The following AGBL4 variants were observed in gnomAD, a reference collection of about 807,000 sequenced individuals.
AGBL4 encodes AGBL carboxypeptidase 4.
Under a neutral mutation model 66.4 loss-of-function variants are expected in AGBL4, and 58 were observed. The ratio of observed to expected loss-of-function variants is 0.87; its 90% CI spans 0.71 to 1.09. The LOEUF is 1.09. AGBL4 is among the 50% of genes least tolerant of loss of function. The probability of loss-of-function intolerance (pLI) is 0.00; values close to 1 mark genes in which losing one functional copy is unlikely to be tolerated. For synonymous variants in AGBL4, 234 were observed against 222.9 expected (o/e 1.05, Z -0.44); for missense variants, 579 against 631.0 (o/e 0.92, Z 0.88).
chr1:49,462,320 A>G (rs1646532253), intron 3 of AGBL4, among the ~76,000 whole-genome samples: 1 of 151,760 alleles, frequency 6.6e-6, no homozygotes, highest in African/African-American at 2.4e-5. Context: ...GAAAGAATAG[A>G]AAAGAAGCAC....
intron 5 of AGBL4, among the ~76,000 whole-genome samples, chr1:48,937,966 C>T (rs1655621207): frequency 6.6e-6 from 1 of 152,162 alleles, no homozygotes; most frequent in African/African-American, 2.4e-5. Context: ...GACTTATCAG[C>T]AGGGTGCTTT....
chr1:49,272,521 A>T (rs1260003004), intron 3 of AGBL4, among the ~76,000 whole-genome samples: 1 of 152,140 alleles, frequency 6.6e-6, no homozygotes, highest in Non-Finnish European at 1.5e-5. Flanking sequence ...TGTCTAACAC[A>T]CCTAAAATTT....
chr1:48,954,584 G>T (rs1043327884), intron 5 of AGBL4, among the ~76,000 whole-genome samples: 1 of 152,142 alleles, frequency 6.6e-6, no homozygotes, highest in African/African-American at 2.4e-5. Flanking sequence ...AAAGCATGAG[G>T]TTATTATTAT....
At chr1:49,554,329 G>C (rs1049612808) in intron 3 of AGBL4, among the ~76,000 whole-genome samples, 6 of 152,146 alleles carry the variant, frequency 3.9e-5, no homozygotes, top group African/African-American at 1.4e-4. Context: ...GCAATCATCA[G>C]CCAAGAGTCT....
At chr1:49,717,585 C>A (rs887684713) in intron 2 of AGBL4, among the ~76,000 whole-genome samples, 3 of 151,996 alleles carry the variant, frequency 2.0e-5, no homozygotes, top group Admixed American at 2.0e-4. Context: ...ATTCCTCTCA[C>A]CTGCCCTAGT....
intron 11 of AGBL4, among the ~76,000 whole-genome samples, chr1:48,575,454 T>C (rs571478656): frequency 1.3e-5 from 2 of 152,146 alleles, no homozygotes; most frequent in Non-Finnish European, 2.9e-5. Context: ...CCCATTCAAC[T>C]CATCCTGCCC....
intron 6 of AGBL4, among the ~76,000 whole-genome samples, chr1:48,858,482 C>T (rs1647238876): frequency 6.6e-6 from 1 of 152,138 alleles, no homozygotes; most frequent in Non-Finnish European, 1.5e-5. Flanking sequence ...TAATGTAATA[C>T]TATTTGGCAA....
intron 3 of AGBL4, among the ~76,000 whole-genome samples, chr1:49,654,396 T>C (rs1397550366): frequency 1.3e-5 from 2 of 152,170 alleles, no homozygotes; most frequent in Non-Finnish European, 2.9e-5. Flanking sequence ...AGAATGTATA[T>C]TCTGTTGATT....
chr1:48,997,788 T>C (rs1661127150), intron 5 of AGBL4, among the ~76,000 whole-genome samples: 2 of 152,184 alleles, frequency 1.3e-5, no homozygotes, highest in South Asian at 4.1e-4. Context: ...TAAGCACTTG[T>C]CATAGAGCTT....
At chr1:48,524,748 A>C in the AGBL4 span, among the ~76,000 whole-genome samples, 2 of 152,222 alleles carry the variant, frequency 1.3e-5, no homozygotes, top group African/African-American at 4.8e-5. Context: ...TTATTCATAT[A>C]AGATGTTCAC....
chr1:50,014,906 T>TCC (rs1661863590), intron 1 of AGBL4, among the ~76,000 whole-genome samples: 2 of 152,198 alleles, frequency 1.3e-5, no homozygotes, highest in Non-Finnish European at 2.9e-5. Flanking sequence ...TACTGTGCAT[T>TCC]TCCATGAGGA....
the AGBL4 span, among the ~76,000 whole-genome samples, chr1:48,523,691 C>T: frequency 6.7e-6 from 1 of 150,074 alleles, no homozygotes; most frequent in Non-Finnish European, 1.5e-5. Flanking sequence ...GGCAAAGTCT[C>T]AAGCTCCGTG....
chr1:49,047,847 A>C (rs1644117546), intron 4 of AGBL4, among the ~76,000 whole-genome samples: 1 of 152,154 alleles, frequency 6.6e-6, no homozygotes, highest in African/African-American at 2.4e-5. Context: ...CATGGAGCTG[A>C]GTACCAGAGG....
At chr1:49,664,561 AAGCATC>A (rs1430736631) in intron 3 of AGBL4, among the ~76,000 whole-genome samples, 1 of 152,098 alleles carries the variant, frequency 6.6e-6, no homozygotes, top group African/African-American at 2.4e-5. Flanking sequence ...ACTAGTAATA[AAGCATC>A]AGCAAAAGTC....
intron 5 of AGBL4, among the ~76,000 whole-genome samples, chr1:48,908,227 T>C (rs2148877648): frequency 6.6e-6 from 1 of 152,224 alleles, no homozygotes; most frequent in Non-Finnish European, 1.5e-5. Context: ...TTATGCCAAA[T>C]CCCAGTCACT....
chr1:48,872,013 A>C (rs1360924094), intron 5 of AGBL4, among the ~76,000 whole-genome samples: 1 of 152,138 alleles, frequency 6.6e-6, no homozygotes, highest in Middle Eastern at 3.2e-3. Flanking sequence ...CTATCTTTAA[A>C]ATTTTCATAA....
chr1:49,008,306 C>G (rs891586994), intron 5 of AGBL4, among the ~76,000 whole-genome samples: 23 of 152,042 alleles, frequency 1.5e-4, no homozygotes, highest in Admixed American at 7.9e-4. Flanking sequence ...GTAAAGGGAT[C>G]AATTCAACAA....
chr1:49,498,607 A>T (rs1380870993), intron 3 of AGBL4, among the ~76,000 whole-genome samples: 3 of 151,816 alleles, frequency 2.0e-5, no homozygotes, highest in Non-Finnish European at 4.4e-5. Context: ...GGGAAAAAAA[A>T]TACTGCATAA....
At chr1:48,938,307 T>C (rs970965996) in intron 5 of AGBL4, among the ~76,000 whole-genome samples, 1 of 152,130 alleles carries the variant, frequency 6.6e-6, no homozygotes, top group Non-Finnish European at 1.5e-5. Flanking sequence ...CCTTATCCAG[T>C]GGTAAAAACA....
Sources: gnomAD v4.1 joint callset for allele counts (sites outside exome capture counted in the v4.1 genomes callset) on GRCh38, gnomAD v4.1.1 for gene constraint, MANE v1.5 for transcripts, NCBI Gene and HGNC (gene_info 2026-07-23, HGNC 2026-07-21) for gene names.